The following KRT33A variants were observed in gnomAD, a reference collection of about 807,000 sequenced individuals.
The protein encoded by KRT33A is keratin 33A.
Under a neutral mutation model 41.1 loss-of-function variants are expected in KRT33A, and 44 were observed. The ratio of observed to expected loss-of-function variants is 1.07; its 90% CI spans 0.84 to 1.38. The LOEUF is 1.38. Among genes scored for constraint, KRT33A ranks in the 40% most tolerant of loss-of-function variants. The pLI, the probability that KRT33A is intolerant of heterozygous loss-of-function variation, is 0.00. For synonymous variants in KRT33A, 229 were observed against 227.8 expected (o/e 1.01, Z -0.05); for missense variants, 536 against 518.5 (o/e 1.03, Z -0.33).
Position 41,350,762 on chromosome 17 carries a change from A to T in KRT33A, c.6T>A (p.Ser2=). 6.2e-7 allele frequency: 1 copy of T among 1,611,108 alleles called. No homozygotes were observed. Among genetic ancestry groups the T allele is most frequent in the South Asian group, 1.1e-5 (1 of 90,880 alleles). Residue 2 remains serine, a synonymous_variant, in exon 1 of 7, where the codon TCT becomes TCA. Coordinates refer to ENST00000007735, the MANE Select transcript of KRT33A (RefSeq NM_004138.4). ...TCAGGCTGGGCAGGCCACAACTGTA[A>T]GACATGGTGCAGGGAGGGAGTGTCC... The part of the protein sequence containing the change: M[S]YSCGLPSLSC...
At position 41,348,640 on chromosome 17, in the gene KRT33A, C is replaced by T; in HGVS notation, c.432-1G>A. ...CCGCAGGGACAGCTCGGTCTCATAT[C>T]TGTGATCACAGGAGGGTCAGGAACA... On this transcript the variant is annotated splice_acceptor_variant, in intron 2 of 6. Coordinates refer to ENST00000007735, the MANE Select transcript of KRT33A (RefSeq NM_004138.4). LOFTEE classifies it high-confidence loss of function. The T allele has an allele frequency of 6.2e-7, 1 of 1,614,032 alleles. No individual in the cohort carries two copies. The highest frequency in any genetic ancestry group is 8.5e-7 in the Non-Finnish European group (1 of 1,179,948).
chr17:41,349,541 C>A, intron 1 of KRT33A, 113 bp from the exon 2 acceptor site: 1 of 1,033,592 alleles, frequency 9.7e-7, no homozygotes, highest in Admixed American at 2.2e-5. Flanking sequence ...TTATTAAATG[C>A]TTTCTATATA....
rs753498015 is a variant in KRT33A at position 41,346,837 on chromosome 17, T to C, written c.876+7A>G. ...ATCGCTCACCAGCAGGTCTGAACAA[T>C]ACACACCAGGTTGTGCTGGGCCTGC... On this transcript the variant is annotated splice_region_variant and intron_variant, in intron 5 of 6. Coordinates refer to ENST00000007735, the MANE Select transcript of KRT33A (RefSeq NM_004138.4). 3 of 1,612,524 alleles carry C rather than the reference T, an allele frequency of 1.9e-6. No individual in the cohort carries two copies. Among genetic ancestry groups the C allele is most frequent in the East Asian group, 2.2e-5 (1 of 44,878 alleles).
intron 3 of KRT33A, among the ~76,000 whole-genome samples, 155 bp downstream of exon 3, chr17:41,348,328 G>A (rs2017453749): frequency 6.6e-6 from 1 of 152,202 alleles, no homozygotes; most frequent in Non-Finnish European, 1.5e-5. Flanking sequence ...TCATATCACA[G>A]GTTTTTAGAT....
At position 41,350,696 on chromosome 17, in the gene KRT33A, G is replaced by C. The variant is rs2017496772; in HGVS notation, c.72C>G (p.Pro24=). 6.2e-7 allele frequency: 1 copy of C among 1,612,234 alleles called. No homozygotes were observed. ...TSCSSRPCVP[P]SCHGCTLPGA... The stretch of plus-strand genomic sequence containing the variant: ...CGGGCAGGGTGCAGCCGTGGCAGCT[G>C]GGGGGCACACAGGGCCGGGAGGAGC... Residue 24 remains proline (P), a synonymous_variant, in exon 1 of 7, where the codon CCC becomes CCG. Coordinates refer to ENST00000007735, the MANE Select transcript of KRT33A (RefSeq NM_004138.4).
Position 41,346,194 on chromosome 17 carries a change from C to A in KRT33A, c.1140G>T (p.Lys380Asn). 6.2e-7 allele frequency: 1 copy of A among 1,614,122 alleles called. No individual in the cohort carries two copies. The highest frequency in any genetic ancestry group is 2.2e-5 in the East Asian group (1 of 44,878). ...GATTAGAGATACAGGGCCCAGTGGA[C>A]TTGTCACATGCATTGGTTGTGGCGC... ...NPCATTNACD[K>N]STGPCISNPC... Residue 380 changes from lysine (K) to asparagine (N), a missense_variant, in exon 7 of 7, where the codon AAG (lysine) becomes AAT (asparagine). Transcript: ENST00000007735.
rs768802940 is a variant in KRT33A at position 41,350,698 on chromosome 17, G to A, written c.70C>T (p.Pro24Ser). ...GGCAGGGTGCAGCCGTGGCAGCTGGGGGGCACACAGGGCCGGGAGGAGCAG... is the reference window on the plus strand; with the variant it reads ...GGCAGGGTGCAGCCGTGGCAGCTGGAGGGCACACAGGGCCGGGAGGAGCAG... ...TSCSSRPCVP[P>S]SCHGCTLPGA... Residue 24 changes from proline (P) to serine (S), a missense_variant, in exon 1 of 7, where the codon CCC (proline) becomes TCC (serine). By Grantham distance (74) the Pro-to-Ser change is moderately conservative. Transcript: ENST00000007735. The A allele has an allele frequency of 6.2e-7, 1 of 1,612,074 alleles. No individual in the cohort carries two copies. Among genetic ancestry groups the A allele is most frequent in the South Asian group, 1.1e-5 (1 of 91,040 alleles).
intron 3 of KRT33A, 147 bp from the exon 4 acceptor site, chr17:41,347,369 G>T: frequency 1.0e-6 from 1 of 997,000 alleles, no homozygotes; most frequent in Non-Finnish European, 1.4e-6. Flanking sequence ...TATATTCAAT[G>T]ACTAATTTGT....
rs150254912 is a variant in KRT33A, at chr17:41,347,133, A to G, written c.678T>C (p.Asn226=). The G allele has an allele frequency of 3.0e-5, 48 of 1,614,184 alleles. No homozygotes were observed. In the Admixed American group the frequency reaches 3.3e-4, roughly 11 times the overall value. Residue 226 remains asparagine, a synonymous_variant, in exon 4 of 7, where the codon AAT becomes AAC. Transcript: ENST00000007735. ...APTVDLNQVL[N]ETRSQYEALV... ...GGGCCTCATACTGACTCCTGGTCTC[A>G]TTCAGGACCTGGTTCAGGTCCACAG... is the stretch of plus-strand genomic sequence containing the variant.
At chr17:41,350,340 G>A (rs2017486740) in intron 1 of KRT33A, 80 bp downstream of exon 1, 2 of 1,516,700 alleles carry the variant, frequency 1.3e-6, no homozygotes, top group East Asian at 4.5e-5. Context: ...CACATCAAGA[G>A]CTTACGTTGT....
intron 1 of KRT33A, among the ~76,000 whole-genome samples, chr17:41,349,804 A>C (rs2017478995): frequency 6.6e-6 from 1 of 151,802 alleles, no homozygotes. Context: ...CAAATAGGTA[A>C]ACTAGCAATT....
intron 6 of KRT33A, 26 bp from the exon 7 acceptor site, chr17:41,346,262 A>C: frequency 6.2e-7 from 1 of 1,606,392 alleles, no homozygotes; most frequent in Non-Finnish European, 8.5e-7. Context: ...CATTGGAGCA[A>C]GTTAGAGTAA....
chr17:41,350,492 T>A lies in KRT33A; in HGVS notation c.276A>T (p.Ser92=), dbSNP rs771056498. 6.2e-6 allele frequency: 10 copies of A among 1,614,030 alleles called. No homozygotes were observed. In the East Asian group the frequency reaches 6.7e-5, roughly 11 times the overall value. ...CACACACCAAGGGCTCCTGCTGCTG[T>A]GACCGCTCCCGGATGAGGTTCTCCA... ...AELENLIRER[S]QQQEPLVCAS... Residue 92 remains serine (S), a synonymous_variant, in exon 1 of 7, where the codon TCA becomes TCT. Coordinates refer to ENST00000007735, the MANE Select transcript of KRT33A (RefSeq NM_004138.4).
chr17:41,349,257 T>C, intron 2 of KRT33A, 89 bp downstream of exon 2: 1 of 1,281,334 alleles, frequency 7.8e-7, no homozygotes, highest in South Asian at 1.3e-5. Flanking sequence ...TCAGTCACTG[T>C]TTGTTTAACT....
chr17:41,349,725 A>C (rs1189262062), intron 1 of KRT33A, among the ~76,000 whole-genome samples: 2 of 151,954 alleles, frequency 1.3e-5, no homozygotes, highest in African/African-American at 4.8e-5. Flanking sequence ...TGATACTAGG[A>C]GCTGAGGATA....
chr17:41,347,064 CG>C lies in KRT33A; in HGVS notation c.746del (p.Thr249SerfsTer6). The C allele has an allele frequency of 6.2e-7, 1 of 1,613,302 alleles. No homozygotes were observed. The highest frequency in any genetic ancestry group is 8.5e-7 in the Non-Finnish European group (1 of 1,179,504). On this transcript the variant is annotated frameshift_variant, in exon 4 of 7. Transcript: ENST00000007735. LOFTEE classifies it high-confidence loss of function. ...GGCCACGTGCTTAGATGCCCACCTGCGTGGCGAACCATTGCTCCACTTCCCT... is the reference window on the plus strand; with the variant it reads ...GGCCACGTGCTTAGATGCCCACCTGCTGGCGAACCATTGCTCCACTTCCCT... ...NRREVEQWFA[T>X]QTEELNKQVV...
At chr17:41,348,151 C>T (rs1255166097) in intron 3 of KRT33A, among the ~76,000 whole-genome samples, 1 of 152,236 alleles carries the variant, frequency 6.6e-6, no homozygotes, top group Non-Finnish European at 1.5e-5. Context: ...GCCATCCTGG[C>T]TTCTCCAGCT....
At chr17:41,347,292 C>A in intron 3 of KRT33A, 70 bp from the exon 4 acceptor site, 2 of 1,489,572 alleles carry the variant, frequency 1.3e-6, no homozygotes, top group Non-Finnish European at 1.8e-6. Flanking sequence ...GAATGCAATT[C>A]AACTTCTGAT....
Position 41,347,064 on chromosome 17 carries a change from C to T in KRT33A, c.747G>A (p.Thr249=), listed in dbSNP as rs199726307. ...NRREVEQWFA[T]QTEELNKQVV... The stretch of plus-strand genomic sequence containing the variant: ...GGCCACGTGCTTAGATGCCCACCTG[C>T]GTGGCGAACCATTGCTCCACTTCCC... The change falls in exon 4 of 7, where the codon ACG becomes ACA. Residue 249 remains threonine (T), a synonymous_variant. Coordinates refer to ENST00000007735, the MANE Select transcript of KRT33A (RefSeq NM_004138.4). The T allele has an allele frequency of 6.8e-6, 11 of 1,613,302 alleles. No individual in the cohort carries two copies. Among genetic ancestry groups the T allele is most frequent in the Admixed American group, 6.7e-5 (4 of 59,982 alleles).
Sources: allele counts gnomAD v4.1 joint callset (sites outside exome capture counted in the v4.1 genomes callset), GRCh38; gene constraint gnomAD v4.1.1; transcripts MANE v1.5; gene names NCBI Gene and HGNC (gene_info 2026-07-23, HGNC 2026-07-21).